SARS1: variants seen among roughly 807,000 people sequenced by gnomAD.
SARS1 encodes the protein seryl-tRNA synthetase 1.
SARS1 carries 25 observed loss-of-function variants against 63.7 expected under a neutral mutation model. The ratio of observed to expected loss-of-function variants is 0.39; its 90% CI spans 0.29 to 0.55. The LOEUF (loss-of-function observed/expected upper bound fraction) is 0.55. Among genes scored for constraint, SARS1 ranks in the 20% least tolerant of loss-of-function variants. The pLI, the probability that SARS1 is intolerant of heterozygous loss-of-function variation, is 0.62. For synonymous variants in SARS1, 231 were observed against 243.5 expected (o/e 0.95, Z 0.48); for missense variants, 417 against 649.7 (o/e 0.64, Z 3.89).
intron 1 of SARS1, among the ~76,000 whole-genome samples, chr1:109,220,518 T>A (rs1429871188): frequency 6.6e-6 from 1 of 152,254 alleles, no homozygotes; most frequent in Non-Finnish European, 1.5e-5. Context: ...ATAGCCTATT[T>A]TGAGAAGTAT....
At chr1:109,226,036 A>G (rs2101193532) in intron 2 of SARS1, among the ~76,000 whole-genome samples, 1 of 152,130 alleles carries the variant, frequency 6.6e-6, no homozygotes, top group South Asian at 2.1e-4. Context: ...TTTATTGCCC[A>G]GGCTGGAGCG....
chr1:109,215,212 A>G, intron 1 of SARS1: 1 of 985,434 alleles, frequency 1.0e-6, no homozygotes, highest in South Asian at 4.7e-5. Flanking sequence ...TGATTGTGAG[A>G]TTCCACACTT....
At chr1:109,222,010 A>T (rs1025382406) in intron 1 of SARS1, among the ~76,000 whole-genome samples, 6,087 of 21,168 alleles carry the variant, frequency 0.29, 2,508 homozygotes, top group East Asian at 0.42. Context: ...ATATATATAT[A>T]TTTTTTTTTT....
chr1:109,227,949 G>C (rs1220062236), intron 2 of SARS1, among the ~76,000 whole-genome samples: 1 of 150,360 alleles, frequency 6.7e-6, no homozygotes, highest in Non-Finnish European at 1.5e-5. Context: ...TCCACACTCA[G>C]GTGTGTCTGC....
At chr1:109,224,524 C>CT (rs879307927) in intron 2 of SARS1, among the ~76,000 whole-genome samples, 299 of 147,518 alleles carry the variant, frequency 2.0e-3, no homozygotes, top group African/African-American at 5.4e-3. Context: ...ATTGTTAGAA[C>CT]TTTTTTTTTT....
At chr1:109,227,906 T>G (rs1465459683) in intron 2 of SARS1, among the ~76,000 whole-genome samples, 1 of 125,862 alleles carries the variant, frequency 7.9e-6, no homozygotes, top group Admixed American at 9.5e-5. Context: ...GGCGACAGAG[T>G]GAGACTCCGT....
chr1:109,235,475 C>A lies in SARS1; in HGVS notation c.969+44C>A. ...GTAAGGAGTGGAACTTTCTCTGTCT[C>A]CAGAATGGTTAGATGAGAGATAGGA... On this transcript the variant is annotated intron_variant, in intron 7 of 10. Coordinates refer to ENST00000234677, the MANE Select transcript of SARS1 (RefSeq NM_006513.4). The surrounding 1 kb of genome is among the most constrained non-coding windows in gnomAD (Gnocchi z 4.7). 1 of 1,487,100 alleles carries A rather than the reference C, an allele frequency of 6.7e-7. No individual in the cohort carries two copies. The allele number at this position is 1,487,100 out of a possible 1,614,324, so 92.1% of individuals were successfully genotyped here. A position where few individuals can be genotyped will look rare whatever the true frequency, so the allele number is the denominator to read the frequency against.
Position 109,214,298 on chromosome 1 carries a change from G to A in SARS1, c.136+170G>A, listed in dbSNP as rs1340178579. Among the ~76,000 whole-genome samples the A allele has an allele frequency of 6.6e-6, 1 of 152,226 alleles. No individual in the cohort carries two copies. The highest frequency in any genetic ancestry group is 2.4e-5 in the African/African-American group (1 of 41,452). On this transcript the variant is annotated intron_variant, in intron 1 of 10. Transcript: ENST00000234677. This position sits in a 1 kb window ranked among gnomAD's most constrained non-coding sequence, Gnocchi z 4.6. ...CCGAAAACACAGCCTGGTCGCCGGGGTCATCCCACTTTCTCCTCCACCCGG... is the reference window on the plus strand; with the variant it reads ...CCGAAAACACAGCCTGGTCGCCGGGATCATCCCACTTTCTCCTCCACCCGG...
At chr1:109,223,772 C>T (rs1053605497) in intron 1 of SARS1, among the ~76,000 whole-genome samples, 2 of 152,178 alleles carry the variant, frequency 1.3e-5, no homozygotes, top group African/African-American at 4.8e-5. Flanking sequence ...CCATTACACT[C>T]CAGCCTAGGC....
At position 109,228,279 on chromosome 1, in the gene SARS1, G is replaced by A. The variant is rs72973290; in HGVS notation, c.208-73G>A. On this transcript the variant is annotated intron_variant, in intron 2 of 10. Coordinates refer to ENST00000234677, the MANE Select transcript of SARS1 (RefSeq NM_006513.4). ...ATTCATTTATATAATACGTTAATTT[G>A]GTGTACACTTTATAAAACAATGCCA... 2.3e-3 allele frequency: 2,477 copies of A among 1,082,120 alleles called. 41 individuals are homozygous for A. In the African/African-American group the frequency reaches 0.035, roughly 15 times the overall value. 67.0% of individuals were successfully genotyped at this position (1,082,120 alleles called of 1,614,324 possible). A position where few individuals can be genotyped will look rare whatever the true frequency, so the allele number is the denominator to read the frequency against.
Position 109,214,717 on chromosome 1 carries a change from A to G in SARS1, c.136+589A>G. ...ATGGGCATACCTTTAAGAATTAGAA[A>G]AGTCTTTTCCGTGGTAGATCAAACG... On this transcript the variant is annotated intron_variant, in intron 1 of 10. Transcript: ENST00000234677. The surrounding 1 kb of genome is among the most constrained non-coding windows in gnomAD (Gnocchi z 4.6). 1 of 985,478 alleles carries G rather than the reference A, an allele frequency of 1.0e-6. No homozygotes were observed. 61.0% of individuals were successfully genotyped at this position (985,478 alleles called of 1,614,324 possible). A position where few individuals can be genotyped will look rare whatever the true frequency, so the allele number is the denominator to read the frequency against.
At chr1:109,223,888 G>A (rs920309643) in intron 1 of SARS1, 90 bp from the exon 2 acceptor site, 8 of 961,514 alleles carry the variant, frequency 8.3e-6, no homozygotes, top group Non-Finnish European at 1.3e-5. Flanking sequence ...GCCTTAACCT[G>A]AAATCAGTAC....
intron 2 of SARS1, among the ~76,000 whole-genome samples, chr1:109,226,741 T>G: frequency 5.9e-5 from 1 of 17,002 alleles, no homozygotes; most frequent in Admixed American, 1.2e-3. Flanking sequence ...TATATATATT[T>G]ATTTATTTAT....
At chr1:109,230,604 C>T (rs1399461517) in intron 4 of SARS1, among the ~76,000 whole-genome samples, 1 of 152,042 alleles carries the variant, frequency 6.6e-6, no homozygotes, top group African/African-American at 2.4e-5. Flanking sequence ...CCCAGGAGTT[C>T]GAGACCAGCC....
intron 2 of SARS1, among the ~76,000 whole-genome samples, chr1:109,224,559 A>G (rs1655024892): frequency 1.3e-5 from 2 of 152,018 alleles, no homozygotes; most frequent in Admixed American, 1.3e-4. Flanking sequence ...AGCAATGGTT[A>G]TGGATAGAAC....
Position 109,214,469 on chromosome 1 carries a change from C to A in SARS1, c.136+341C>A. 1 of 1,000,910 alleles carries A rather than the reference C, an allele frequency of 1.0e-6. No homozygotes were observed. The highest frequency in any genetic ancestry group is 1.2e-6 in the Non-Finnish European group (1 of 816,528). The allele number at this position is 1,000,910 out of a possible 1,614,324, so 62.0% of individuals were successfully genotyped here. On this transcript the variant is annotated intron_variant, in intron 1 of 10. Coordinates refer to ENST00000234677, the MANE Select transcript of SARS1 (RefSeq NM_006513.4). This position sits in a 1 kb window ranked among gnomAD's most constrained non-coding sequence, Gnocchi z 4.6. ...AGGTTGTGGGGTCTACGCGGCTTTC[C>A]TAACACGAATCTTTGGTCCCCCCCA...
intron 2 of SARS1, among the ~76,000 whole-genome samples, chr1:109,226,697 TACACACACACACACACACACACAC>T (rs369144830): frequency 1.9e-5 from 2 of 104,170 alleles, no homozygotes; most frequent in Admixed American, 1.3e-4. Flanking sequence ...TATATATATA[TACACACACACACACACACACACAC>T]ACACACATAT....
At chr1:109,224,093 A>G in intron 2 of SARS1, 45 bp downstream of exon 2, 1 of 1,386,198 alleles carries the variant, frequency 7.2e-7, no homozygotes, top group Non-Finnish European at 1.0e-6. Context: ...TTGAGCGGAG[A>G]TATTTGATCT....
Position 109,235,318 on chromosome 1 carries a change from C to T in SARS1, c.856C>T (p.Arg286Trp), listed in dbSNP as rs753604964. 2.0e-5 allele frequency: 33 copies of T among 1,613,952 alleles called. No homozygotes were observed. The highest frequency in any genetic ancestry group is 4.0e-5 in the African/African-American group (3 of 74,894). The change falls in exon 7 of 11, where the codon CGG becomes TGG. Residue 286 changes from arginine (R) to tryptophan (W), a missense_variant. By Grantham distance (101) the Arg-to-Trp change is moderately radical. Coordinates refer to ENST00000234677, the MANE Select transcript of SARS1 (RefSeq NM_006513.4). This position sits in a 1 kb window ranked among gnomAD's most constrained non-coding sequence, Gnocchi z 4.7. ...IAALHRDEWL[R>W]PEDLPIKYAG... ...TGCCCTGCACCGGGATGAGTGGCTC[C>T]GGCCGGAGGACCTGCCCATCAAGTA... is the stretch of plus-strand genomic sequence containing the variant.
Sources: allele counts gnomAD v4.1 joint callset (sites outside exome capture counted in the v4.1 genomes callset), GRCh38; gene constraint gnomAD v4.1.1; non-coding constraint Gnocchi (gnomAD v3.1); transcripts MANE v1.5; gene names NCBI Gene and HGNC (gene_info 2026-07-23, HGNC 2026-07-21).